LMO7: variants seen among roughly 807,000 people sequenced by gnomAD.
LMO7 encodes LIM domain only protein 7.
A neutral mutation model predicts 206.5 loss-of-function variants in LMO7; 120 were observed. The ratio of observed to expected loss-of-function variants is 0.58; its 90% CI spans 0.50 to 0.68. The LOEUF (loss-of-function observed/expected upper bound fraction) is 0.68, where lower values mean the gene tolerates loss of function less well. Ranked by LOEUF, LMO7 falls within the 30% of genes least tolerant of loss-of-function variation. LMO7 has a pLI of 0.00. For missense variants in LMO7, 1,959 were observed against 1,957.9 expected, an observed-to-expected ratio of 1.00 and a Z score of -0.01; for synonymous variants, 706 against 681.5, an observed-to-expected ratio of 1.04 and a Z score of -0.56.
chr13:75,835,907 T>C (rs2059076267), intron 18 of LMO7, among the ~76,000 whole-genome samples: 1 of 152,214 alleles, frequency 6.6e-6, no homozygotes, highest in East Asian at 1.9e-4. Context: ...ATGTGGTTTC[T>C]ATTTATGATA....
chr13:75,817,353 C>T, intron 12 of LMO7, 75 bp downstream of exon 12: 1 of 874,324 alleles, frequency 1.1e-6, no homozygotes. Context: ...AGTCAATATA[C>T]TCAAGACCAT....
intron 1 of LMO7, among the ~76,000 whole-genome samples, chr13:75,694,309 AAGGCTCTGGGT>A (rs1356622795): frequency 5.9e-5 from 9 of 152,204 alleles, no homozygotes; most frequent in African/African-American, 2.2e-4. Context: ...TGGAGAAATG[AAGGCTCTGGGT>A]TCTTTTGTCT....
intron 3 of LMO7, among the ~76,000 whole-genome samples, chr13:75,731,263 T>G (rs1286492577): frequency 6.6e-6 from 1 of 152,228 alleles, no homozygotes; most frequent in Non-Finnish European, 1.5e-5. Context: ...TGTGGGAGTC[T>G]AAGTCTCTTT....
intron 13 of LMO7, among the ~76,000 whole-genome samples, chr13:75,819,970 A>T (rs2057414933): frequency 6.6e-6 from 1 of 152,202 alleles, no homozygotes; most frequent in African/African-American, 2.4e-5. Flanking sequence ...TATTTTAAAG[A>T]AAGTTTTTAT....
upstream of LMO7, chr13:75,631,365 GA>G (rs2034921188): frequency 6.6e-6 from 1 of 152,178 alleles, no homozygotes; most frequent in Admixed American, 6.5e-5. Context: ...CACTATGGAG[GA>G]ACCATAATTT....
At chr13:75,717,134 C>T (rs746710353) in intron 2 of LMO7, among the ~76,000 whole-genome samples, 3 of 151,904 alleles carry the variant, frequency 2.0e-5, no homozygotes, top group South Asian at 2.1e-4. Flanking sequence ...GAGTCCGAGG[C>T]GGGCGGATCA....
intron 15 of LMO7, among the ~76,000 whole-genome samples, chr13:75,824,706 G>T (rs1357248843): frequency 6.6e-6 from 1 of 152,028 alleles, no homozygotes; most frequent in Non-Finnish European, 1.5e-5. Flanking sequence ...GAGCTTTTGT[G>T]GTCCTTTGGC....
chr13:75,720,735 T>G (rs1424732152), intron 2 of LMO7, among the ~76,000 whole-genome samples: 1 of 152,206 alleles, frequency 6.6e-6, no homozygotes, highest in East Asian at 1.9e-4. Flanking sequence ...TGACTATAAA[T>G]TACATTGGTA....
rs1006187784 is a variant in LMO7, at chr13:75,621,875, A to G, written c.175+7A>G. 2.5e-6 allele frequency: 4 copies of G among 1,577,780 alleles called. No individual in the cohort carries two copies. The Admixed American group carries it at 5.5e-5, about 22-fold the overall frequency. On this transcript the variant is annotated splice_region_variant and intron_variant, in intron 1 of 29. Coordinates refer to the LMO7 transcript ENST00000341547. ...AGAGTCTGCAGCAAAAAAGGTAATA[A>G]TAGTTCCTTGAATACTTTTATATTA...
At chr13:75,776,042 C>A (rs1266922131) in intron 4 of LMO7, among the ~76,000 whole-genome samples, 1 of 147,338 alleles carries the variant, frequency 6.8e-6, no homozygotes, top group Non-Finnish European at 1.5e-5. Flanking sequence ...AGCAAAGATA[C>A]AGAATTAACG....
At chr13:75,838,243 C>G (rs375116087) in intron 20 of LMO7, 47 bp downstream of exon 20, 1 of 1,537,344 alleles carries the variant, frequency 6.5e-7, no homozygotes, top group Non-Finnish European at 9.0e-7. Flanking sequence ...GAATTGTTCT[C>G]CCTCTCCACT....
At chr13:75,646,075 C>T (rs1444768653) in intron 1 of LMO7, among the ~76,000 whole-genome samples, 1 of 152,186 alleles carries the variant, frequency 6.6e-6, no homozygotes, top group African/African-American at 2.4e-5. Flanking sequence ...CTACCCCTTT[C>T]CCACCCCTTC....
At chr13:75,719,227 G>A (rs564163388) in intron 2 of LMO7, among the ~76,000 whole-genome samples, 122 of 148,508 alleles carry the variant, frequency 8.2e-4, no homozygotes, top group Non-Finnish European at 1.5e-3. Context: ...TGATCTGTCC[G>A]CCTTGGCCTC....
chr13:75,643,296 C>T (rs960742568), intron 1 of LMO7, among the ~76,000 whole-genome samples: 18 of 152,196 alleles, frequency 1.2e-4, no homozygotes, highest in Non-Finnish European at 2.4e-4. Flanking sequence ...AACACACTAG[C>T]TTTGTGAATG....
At chr13:75,665,411 A>C (rs1025490168) in intron 1 of LMO7, among the ~76,000 whole-genome samples, 1 of 152,116 alleles carries the variant, frequency 6.6e-6, no homozygotes, top group African/African-American at 2.4e-5. Flanking sequence ...AAAAATTTTT[A>C]TATGGGAAAA....
chr13:75,767,855 T>C (rs927225719), intron 4 of LMO7, among the ~76,000 whole-genome samples: 5 of 152,086 alleles, frequency 3.3e-5, no homozygotes, highest in Non-Finnish European at 5.9e-5. Context: ...CTTAGACAGA[T>C]TACTTTTCCT....
At chr13:75,756,450 G>A (rs1189854729) in intron 3 of LMO7, among the ~76,000 whole-genome samples, 2 of 152,166 alleles carry the variant, frequency 1.3e-5, no homozygotes, top group Non-Finnish European at 2.9e-5. Context: ...ACAAAGATAG[G>A]CTACTTTTCA....
intron 2 of LMO7, among the ~76,000 whole-genome samples, chr13:75,724,578 C>T (rs2044302188): frequency 6.6e-6 from 1 of 152,110 alleles, no homozygotes; most frequent in Non-Finnish European, 1.5e-5. Flanking sequence ...AGAGTATTTC[C>T]ATAGATGATA....
At chr13:75,846,930 A>T (rs200965009) in intron 26 of LMO7, among the ~76,000 whole-genome samples, 11 of 150,626 alleles carry the variant, frequency 7.3e-5, no homozygotes, top group East Asian at 2.0e-4. Context: ...ACTCAGGAGG[A>T]TGAGGCAGGA....
Sources: allele counts gnomAD v4.1 joint callset (sites outside exome capture counted in the v4.1 genomes callset), GRCh38; gene constraint gnomAD v4.1.1; transcripts MANE v1.5; gene names NCBI Gene and HGNC (gene_info 2026-07-23, HGNC 2026-07-21).